The following GGT5 variants were observed in gnomAD, a reference collection of about 807,000 sequenced individuals.
GGT5 encodes glutathione hydrolase 5 proenzyme.
A neutral mutation model predicts 58.1 loss-of-function variants in GGT5; 50 were observed. The ratio of observed to expected loss-of-function variants is 0.86; its 90% CI spans 0.69 to 1.09. The LOEUF is 1.09. Among genes scored for constraint, GGT5 ranks in the 50% least tolerant of loss-of-function variants. The pLI, the probability that GGT5 is intolerant of heterozygous loss-of-function variation, is 0.00. For missense variants in GGT5, 800 were observed against 789.4 expected (o/e 1.01, Z -0.16); for synonymous variants, 370 against 346.1 (o/e 1.07, Z -0.77).
In GGT5 at chr22:24,244,740, G is replaced by A. The variant is rs56890645; in HGVS notation, c.-15C>T. 6.3e-7 allele frequency: 1 copy of A among 1,594,264 alleles called. No homozygotes were observed. Among genetic ancestry groups the A allele is most frequent in the East Asian group, 2.3e-5 (1 of 44,230 alleles). On this transcript the variant is annotated 5_prime_UTR_variant, in exon 1 of 12. Transcript: ENST00000327365. ...CCCCGGGCCATGGCTCTGCAGCCCA[G>A]GAGGAGAGGGGCGGCTGGTGGGCAG...
At chr22:24,236,092 A>G (rs2048087388) in intron 1 of GGT5, among the ~76,000 whole-genome samples, 2 of 151,894 alleles carry the variant, frequency 1.3e-5, no homozygotes, top group South Asian at 4.1e-4. Flanking sequence ...CTCTCCCTAC[A>G]CTCGAGACAC....
At chr22:24,235,154 A>G (rs9608256) in intron 1 of GGT5, among the ~76,000 whole-genome samples, 57,209 of 148,132 alleles carry the variant, frequency 0.39, 11,064 homozygotes, top group Admixed American at 0.51. Context: ...CGCCTCCCGG[A>G]TTCAAGCGAT....
Position 24,232,833 on chromosome 22 carries a change from A to T in GGT5, c.586T>A (p.Ser196Thr). 1.3e-6 allele frequency: 2 copies of T among 1,534,066 alleles called. No homozygotes were observed. The highest frequency in any genetic ancestry group is 1.8e-6 in the Non-Finnish European group (2 of 1,135,790). Residue 196 changes from serine to threonine, a missense_variant, in exon 4 of 12, where the codon TCA becomes ACA. Coordinates refer to ENST00000327365, the MANE Select transcript of GGT5 (RefSeq NM_004121.5). Reference protein sequence around the residue: ...NSILRPSLQASTLRQLFFNGT... With the variant: ...NSILRPSLQATTLRQLFFNGT... ...CCATGTGGGGCTCACCGCAGGGTTG[A>T]CGCCTGCAAGGAAGGCCGCAGGATG... is the stretch of plus-strand genomic sequence containing the variant.
Position 24,228,602 on chromosome 22 carries a change from C to T in GGT5, c.902-1835G>A, listed in dbSNP as rs535310484. ...AGCAACTGGGACTACAGGTGCCCGC[C>T]ACCACGCCTGGCTAATTTTTTGTAT... On this transcript the variant is annotated intron_variant, in intron 6 of 11. Coordinates refer to ENST00000327365, the MANE Select transcript of GGT5 (RefSeq NM_004121.5). Among the ~76,000 whole-genome samples the T allele has an allele frequency of 7.9e-5, 12 of 152,032 alleles. 1 individual carries two copies. The South Asian group carries it at 2.5e-3, about 32-fold the overall frequency.
At chr22:24,237,609 G>A (rs1407093187) in intron 1 of GGT5, among the ~76,000 whole-genome samples, 1 of 151,946 alleles carries the variant, frequency 6.6e-6, no homozygotes, top group Admixed American at 6.6e-5. Flanking sequence ...GGGTTTCACT[G>A]TGTTGGCCAG....
chr22:24,225,776 A>G (rs935029942), intron 8 of GGT5, 124 bp from the exon 9 acceptor site: 13 of 699,738 alleles, frequency 1.9e-5, no homozygotes, highest in Admixed American at 4.2e-5. Context: ...TGAAGCCGCT[A>G]TTCTCTCCCT....
intron 1 of GGT5, among the ~76,000 whole-genome samples, chr22:24,236,265 T>A (rs2048091638): frequency 2.0e-5 from 3 of 152,080 alleles, no homozygotes; most frequent in African/African-American, 7.2e-5. Flanking sequence ...CACTCCCCCT[T>A]TTGCTCAGCG....
At chr22:24,240,255 T>C (rs8142438) in intron 1 of GGT5, among the ~76,000 whole-genome samples, 4,798 of 152,050 alleles carry the variant, frequency 0.032, 263 homozygotes, top group African/African-American at 0.11. Context: ...ATAATAAAAA[T>C]AATAAATGCA....
intron 1 of GGT5, 43 bp from the exon 2 acceptor site, chr22:24,234,047 C>T: frequency 1.9e-6 from 3 of 1,561,732 alleles, no homozygotes; most frequent in Non-Finnish European, 2.6e-6. Context: ...TCCCCTCCCC[C>T]TGCCTCCCCA....
At chr22:24,232,768 C>G in intron 4 of GGT5, 55 bp downstream of exon 4, 1 of 1,269,806 alleles carries the variant, frequency 7.9e-7, no homozygotes, top group Non-Finnish European at 1.1e-6. Context: ...TGGACTGGGC[C>G]CAGACAGGAT....
chr22:24,220,427 G>A, intron 11 of GGT5: 1 of 521,118 alleles, frequency 1.9e-6, no homozygotes, highest in South Asian at 1.5e-5. Context: ...GAGTTCAGGG[G>A]GCCTTCGATG....
Position 24,232,267 on chromosome 22 carries a change from C to T in GGT5, c.597-59G>A, listed in dbSNP as rs1300098159. 1.3e-5 allele frequency: 14 copies of T among 1,058,496 alleles called. No individual in the cohort carries two copies. In the East Asian group the frequency reaches 1.6e-4, roughly 12 times the overall value. The allele number at this position is 1,058,496 out of a possible 1,614,324, so 65.6% of individuals were successfully genotyped here. ...GGTCCCAGAGGCAGCCACACTCTTC[C>T]GGGGCTCTCATGGGTGGAGTCCTCA... On this transcript the variant is annotated intron_variant, in intron 4 of 11. Transcript: ENST00000327365.
chr22:24,235,846 A>G (rs185199901), intron 1 of GGT5, among the ~76,000 whole-genome samples: 160 of 151,884 alleles, frequency 1.1e-3, no homozygotes, highest in African/African-American at 3.7e-3. Context: ...GTAAATGGTT[A>G]CAGATGGGGA....
Position 24,231,534 on chromosome 22 carries a change from G to A in GGT5, c.755-4C>T, listed in dbSNP as rs1404395915. ...TCCTGCAGCGTCAGCTGGCTCCCTG[G>A]GATGAGAAGGAGAGGGCTCCATGAA... On this transcript the variant is annotated splice_polypyrimidine_tract_variant and splice_region_variant and intron_variant, in intron 5 of 11. Transcript: ENST00000327365. 6.3e-7 allele frequency: 1 copy of A among 1,587,696 alleles called. No homozygotes were observed. Among genetic ancestry groups the A allele is most frequent in the Non-Finnish European group, 8.6e-7 (1 of 1,167,140 alleles).
intron 3 of GGT5, among the ~76,000 whole-genome samples, 187 bp from the exon 4 acceptor site, chr22:24,233,205 C>T (rs1443128346): frequency 6.6e-6 from 1 of 152,180 alleles, no homozygotes; most frequent in African/African-American, 2.4e-5. Flanking sequence ...GCCCAAGGGG[C>T]CCTACACAAA....
chr22:24,228,085 A>AAAAC (rs2047830769), intron 6 of GGT5, among the ~76,000 whole-genome samples: 1 of 146,688 alleles, frequency 6.8e-6, no homozygotes. Flanking sequence ...AAAAAAAAAA[A>AAAAC]CTCTGAAAAA....
At chr22:24,222,995 C>CA (rs2047644742) in intron 11 of GGT5, among the ~76,000 whole-genome samples, 1 of 151,748 alleles carries the variant, frequency 6.6e-6, no homozygotes, top group Non-Finnish European at 1.5e-5. Flanking sequence ...GAGGATGAGG[C>CA]AGGGGAATGG....
chr22:24,234,021 A>C lies in GGT5; in HGVS notation c.174-17T>G, dbSNP rs532566844. The C allele has an allele frequency of 1.1e-5, 18 of 1,591,806 alleles. No individual in the cohort carries two copies. In the African/African-American group the frequency reaches 2.2e-4, roughly 19 times the overall value. On this transcript the variant is annotated splice_polypyrimidine_tract_variant and intron_variant, in intron 1 of 11. Coordinates refer to ENST00000327365, the MANE Select transcript of GGT5 (RefSeq NM_004121.5). Reference sequence around the variant, plus strand: ...AGGATGGCTCTAGGGGACATGGCACAGAGTCGCTGTGGGGCTCCCCTCCCC... The same window carrying C: ...AGGATGGCTCTAGGGGACATGGCACCGAGTCGCTGTGGGGCTCCCCTCCCC...
rs2047939642 is a variant in GGT5, at chr22:24,231,492, G to T, written c.793C>A (p.Pro265Thr). The T allele has an allele frequency of 1.3e-6, 2 of 1,585,658 alleles. No homozygotes were observed. Among genetic ancestry groups the T allele is most frequent in the East Asian group, 2.3e-5 (1 of 43,238 alleles). ...ACCTCCAGGGCATCCACCACCTCGG[G>T]CTGGAACTTGGCCAGGTCCTGCAGC... ...LTLQDLAKFQ[P>T]EVVDALEVPL... Residue 265 changes from proline to threonine, a missense_variant, in exon 6 of 12, where the codon CCC (proline) becomes ACC (threonine). Pro to Thr is a conservative substitution (Grantham distance 38, BLOSUM62 -1). Coordinates refer to ENST00000327365, the MANE Select transcript of GGT5 (RefSeq NM_004121.5).
Sources: gnomAD v4.1 joint callset for allele counts (sites outside exome capture counted in the v4.1 genomes callset) on GRCh38, gnomAD v4.1.1 for gene constraint, MANE v1.5 for transcripts, NCBI Gene and HGNC (gene_info 2026-07-23, HGNC 2026-07-21) for gene names.